Variants in STOX2 observed in about 807,000 individuals in gnomAD.
STOX2 encodes the protein storkhead box 2, also known as storkhead-box protein 2.
A neutral mutation model predicts 60.9 loss-of-function variants in STOX2; 28 were observed. That is an observed-to-expected ratio of 0.46 (90% CI 0.34 to 0.63). The LOEUF (loss-of-function observed/expected upper bound fraction) is 0.63, where lower values mean the gene tolerates loss of function less well. Among genes scored for constraint, STOX2 ranks in the 30% least tolerant of loss-of-function variants. The pLI is 0.01. For synonymous variants in STOX2, 472 were observed against 463.9 expected (o/e 1.02, Z -0.22); for missense variants, 1,024 against 1,187.7 (o/e 0.86, Z 2.03).
At position 184,010,044 on chromosome 4, in the gene STOX2, T is replaced by C. The variant is rs1734073774; in HGVS notation, c.1206T>C (p.Pro402=). Residue 402 remains proline (P), a synonymous_variant, in exon 3 of 4, where the codon CCT becomes CCC. Transcript: ENST00000308497. The surrounding 1 kb of genome is among the most constrained non-coding windows in gnomAD (Gnocchi z 4.5). ...AAAGAGAGTATGACTTTTGTGATCC[T>C]CTTACCAGGGTGCCCAGGGAGGGCT... ...PAEREYDFCD[P]LTRVPREGCF... 1.2e-6 allele frequency: 2 copies of C among 1,613,712 alleles called. No homozygotes were observed. The highest frequency in any genetic ancestry group is 1.7e-6 in the Non-Finnish European group (2 of 1,179,838).
chr4:184,006,071 C>A (rs1197545761), intron 2 of STOX2, among the ~76,000 whole-genome samples: 1 of 152,072 alleles, frequency 6.6e-6, no homozygotes, highest in East Asian at 1.9e-4. Flanking sequence ...TAATTCTATA[C>A]ATTAATAGCT....
intron 1 of STOX2, among the ~76,000 whole-genome samples, chr4:183,824,220 A>T (rs1049191337): frequency 6.6e-6 from 1 of 152,248 alleles, no homozygotes; most frequent in South Asian, 2.1e-4. Context: ...CCAGAATAGG[A>T]TAATTTAAGC....
intron 1 of STOX2, among the ~76,000 whole-genome samples, chr4:183,962,980 TA>T (rs1438692514): frequency 6.6e-6 from 1 of 152,164 alleles, no homozygotes. Context: ...AGGAGAAGAA[TA>T]AAATCAGGGT....
chr4:183,953,437 G>A (rs764269157), intron 1 of STOX2, among the ~76,000 whole-genome samples: 16 of 152,172 alleles, frequency 1.1e-4, no homozygotes, highest in Non-Finnish European at 2.4e-4. Context: ...TAGAGGTCCT[G>A]GAGGCAGGGG....
At chr4:183,886,634 G>A (rs979076236) in intron 1 of STOX2, among the ~76,000 whole-genome samples, 1 of 152,226 alleles carries the variant, frequency 6.6e-6, no homozygotes, top group Non-Finnish European at 1.5e-5. Context: ...AATTAAGCAA[G>A]TAGTCCTGGA....
At chr4:184,006,609 C>T (rs1733837650) in intron 2 of STOX2, among the ~76,000 whole-genome samples, 1 of 141,550 alleles carries the variant, frequency 7.1e-6, no homozygotes, top group Non-Finnish European at 1.5e-5. Flanking sequence ...ATCACCTGAG[C>T]CTGGGGAAGT....
At chr4:183,967,927 A>G (rs1040624889) in intron 1 of STOX2, among the ~76,000 whole-genome samples, 3 of 152,258 alleles carry the variant, frequency 2.0e-5, no homozygotes, top group African/African-American at 4.8e-5. Flanking sequence ...AGGAAAACCC[A>G]TGAGGGGATC....
At chr4:183,897,345 C>T (rs1257068348) in intron 1 of STOX2, among the ~76,000 whole-genome samples, 2 of 152,166 alleles carry the variant, frequency 1.3e-5, no homozygotes, top group Non-Finnish European at 2.9e-5. Flanking sequence ...CTGGGTGCTT[C>T]TGGCTTTGTA....
intron 1 of STOX2, among the ~76,000 whole-genome samples, chr4:183,874,923 CAAAAAAAAAAAAAAAA>C (rs869044658): frequency 9.7e-5 from 2 of 20,618 alleles, no homozygotes; most frequent in African/African-American, 4.7e-4. Flanking sequence ...GACTCCGCCT[CAAAAAAAAAAAAAAAA>C]AAAAAAAAAA....
At chr4:183,817,315 G>A (rs1049529346) in intron 1 of STOX2, among the ~76,000 whole-genome samples, 4 of 152,194 alleles carry the variant, frequency 2.6e-5, no homozygotes, top group African/African-American at 4.8e-5. Flanking sequence ...TCAAAAGAAC[G>A]TGCCACACAC....
At position 183,954,672 on chromosome 4, in the gene STOX2, A is replaced by T. The variant is rs1743195937; in HGVS notation, c.167-46653A>T. ...GAAGTCAAAAATGCACACACACATC[A>T]CACACACTACTGTCTAGCATAATGA... On this transcript the variant is annotated intron_variant, in intron 1 of 3. Coordinates refer to ENST00000308497, the MANE Select transcript of STOX2 (RefSeq NM_020225.3). 2.0e-5 allele frequency among the ~76,000 whole-genome samples: 3 copies of T among 152,278 alleles called. No individual in the cohort carries two copies. In the South Asian group the frequency reaches 6.2e-4, roughly 32 times the overall value.
intron 1 of STOX2, among the ~76,000 whole-genome samples, chr4:183,944,810 T>A (rs1228161604): frequency 6.6e-6 from 1 of 152,248 alleles, no homozygotes; most frequent in Non-Finnish European, 1.5e-5. Flanking sequence ...AAAGAATGTT[T>A]GGATAATTTA....
At chr4:183,899,156 T>G (rs1213302086) in intron 1 of STOX2, among the ~76,000 whole-genome samples, 1 of 152,234 alleles carries the variant, frequency 6.6e-6, no homozygotes, top group African/African-American at 2.4e-5. Flanking sequence ...GATGGCAAAC[T>G]TGATCCGTAA....
intron 1 of STOX2, among the ~76,000 whole-genome samples, chr4:183,915,468 G>A (rs1256119809): frequency 1.3e-5 from 2 of 150,984 alleles, no homozygotes; most frequent in Admixed American, 6.6e-5. Flanking sequence ...ACCTCTTTTC[G>A]ATGTCGGTGT....
At chr4:183,985,088 CA>C (rs1732790925) in intron 1 of STOX2, among the ~76,000 whole-genome samples, 1 of 152,118 alleles carries the variant, frequency 6.6e-6, no homozygotes, top group Non-Finnish European at 1.5e-5. Flanking sequence ...AAAGTCTACT[CA>C]GGGGCAGTCG....
At chr4:183,975,774 C>G (rs1453207950) in intron 1 of STOX2, among the ~76,000 whole-genome samples, 2 of 152,124 alleles carry the variant, frequency 1.3e-5, no homozygotes, top group Non-Finnish European at 2.9e-5. Context: ...TCTGTAAGAT[C>G]TTTTTCAAAA....
rs116362490 is a variant in STOX2 at position 183,962,363 on chromosome 4, G to A, written c.167-38962G>A. Among the ~76,000 whole-genome samples the A allele has an allele frequency of 6.9e-3, 1,040 of 151,442 alleles. 8 individuals are homozygous for A. The highest frequency in any genetic ancestry group is 0.024 in the African/African-American group (1,004 of 41,300). ...GCAAAATTCTAATCTTTTATATTTA[G>A]GTGATTTAGTATGTCTCTGTGGTCA... On this transcript the variant is annotated intron_variant, in intron 1 of 3. Coordinates refer to ENST00000308497, the MANE Select transcript of STOX2 (RefSeq NM_020225.3).
At chr4:184,014,939 C>G (rs907220373) in intron 3 of STOX2, 3 of 152,064 alleles carry the variant, frequency 2.0e-5, no homozygotes, top group Admixed American at 1.3e-4. Flanking sequence ...AAGAGTGAAT[C>G]CTTTGGACCT....
At chr4:183,857,448 A>G (rs570658698) in intron 1 of STOX2, among the ~76,000 whole-genome samples, 6 of 150,184 alleles carry the variant, frequency 4.0e-5, no homozygotes, top group African/African-American at 1.5e-4. Context: ...AGGACTGGTT[A>G]TCCCATTGAA....
Sources: gnomAD v4.1 joint callset for allele counts (sites outside exome capture counted in the v4.1 genomes callset) on GRCh38, gnomAD v4.1.1 for gene constraint, Gnocchi (gnomAD v3.1) non-coding constraint, MANE v1.5 for transcripts, NCBI Gene and HGNC (gene_info 2026-07-23, HGNC 2026-07-21) for gene names.